The following MPDZ variants were observed in gnomAD, a reference collection of about 807,000 sequenced individuals.
MPDZ encodes the protein multiple PDZ domain protein.
A neutral mutation model predicts 239.1 loss-of-function variants in MPDZ; 234 were observed. The ratio of observed to expected loss-of-function variants is 0.98; its 90% CI spans 0.88 to 1.09. The LOEUF (loss-of-function observed/expected upper bound fraction) is 1.09. Ranked by LOEUF, MPDZ falls within the 50% of genes least tolerant of loss-of-function variation. The pLI is 0.00. For synonymous variants in MPDZ, 1,048 were observed against 881.3 expected (o/e 1.19, Z -3.35); for missense variants, 3,175 against 2,510.0 (o/e 1.26, Z -5.66).
chr9:13,246,989 T>C (rs746345451), intron 3 of MPDZ, among the ~76,000 whole-genome samples: 1 of 152,220 alleles, frequency 6.6e-6, no homozygotes, highest in Non-Finnish European at 1.5e-5. Flanking sequence ...CATTGTGAAA[T>C]GTTTCAATTT....
chr9:13,141,324 G>A (rs1040728342), intron 27 of MPDZ, among the ~76,000 whole-genome samples: 5 of 151,942 alleles, frequency 3.3e-5, no homozygotes, highest in Admixed American at 6.6e-5. Context: ...TTTTTGTTTC[G>A]AATCAAACAG....
intron 10 of MPDZ, among the ~76,000 whole-genome samples, chr9:13,208,461 TAA>T (rs1244672207): frequency 1.5e-5 from 2 of 136,582 alleles, no homozygotes; most frequent in Non-Finnish European, 3.2e-5. Flanking sequence ...AAATAAATAT[TAA>T]AAAAAAAAAA....
chr9:13,145,982 C>G (rs1012061153), intron 26 of MPDZ, among the ~76,000 whole-genome samples: 1 of 151,898 alleles, frequency 6.6e-6, no homozygotes, highest in Non-Finnish European at 1.5e-5. Context: ...AACTTAAACA[C>G]CCATTTAACA....
intron 32 of MPDZ, among the ~76,000 whole-genome samples, chr9:13,127,869 T>C (rs1211613485): frequency 6.6e-6 from 1 of 152,220 alleles, no homozygotes; most frequent in Admixed American, 6.5e-5. Flanking sequence ...GATATGCCAC[T>C]TAACATCTCT....
chr9:13,275,153 A>G (rs1276443043), intron 1 of MPDZ, among the ~76,000 whole-genome samples: 5 of 152,192 alleles, frequency 3.3e-5, no homozygotes, highest in Non-Finnish European at 5.9e-5. Flanking sequence ...TAGTTTACAC[A>G]CTAAGTCTCT....
In MPDZ at chr9:13,162,767, C is replaced by T; in HGVS notation, c.3283G>A (p.Glu1095Lys). ...TGTCCCAAGCTTATTTTGAACTCTT[C>T]CAAATGTTCTGCAGGCACATAAGTA... ...KITYVPAEHL[E>K]EFKISLGQQS... is the part of the protein sequence containing the mutation. The change falls in exon 23 of 47, where the codon GAA (glutamate) becomes AAA (lysine). Residue 1095 changes from glutamate (E) to lysine (K), a missense_variant. Transcript: ENST00000319217. 1 of 1,610,484 alleles carries T rather than the reference C, an allele frequency of 6.2e-7. No individual in the cohort carries two copies. Among genetic ancestry groups the T allele is most frequent in the African/African-American group, 1.3e-5 (1 of 74,894 alleles).
chr9:13,225,001 C>T (rs1960085997), intron 3 of MPDZ, among the ~76,000 whole-genome samples: 1 of 152,072 alleles, frequency 6.6e-6, no homozygotes, highest in East Asian at 1.9e-4. Flanking sequence ...CCCAAGGCCA[C>T]ATGATATAAG....
At chr9:13,151,115 C>A (rs1037902200) in intron 24 of MPDZ, among the ~76,000 whole-genome samples, 31 of 151,948 alleles carry the variant, frequency 2.0e-4, no homozygotes, top group South Asian at 6.2e-4. Context: ...ATCTCACATC[C>A]AACAGGATGG....
At chr9:13,111,855 A>G (rs1203778993) in intron 43 of MPDZ, among the ~76,000 whole-genome samples, 169 bp downstream of exon 43, 1 of 152,134 alleles carries the variant, frequency 6.6e-6, no homozygotes, top group African/African-American at 2.4e-5. Flanking sequence ...CTTTCTTTTA[A>G]TATTCTTTAT....
intron 3 of MPDZ, among the ~76,000 whole-genome samples, chr9:13,238,323 A>C (rs781424181): frequency 6.6e-6 from 1 of 152,210 alleles, no homozygotes; most frequent in African/African-American, 2.4e-5. Context: ...GTCCACTTAC[A>C]TAATAAGATT....
chr9:13,158,141 A>G (rs909300894), intron 23 of MPDZ, 31 bp from the exon 24 acceptor site: 31 of 1,554,122 alleles, frequency 2.0e-5, no homozygotes, highest in Non-Finnish European at 2.6e-5. Flanking sequence ...TGAGTACCCC[A>G]AAATCCTAGT....
chr9:13,136,647 A>G (rs1946861890), intron 30 of MPDZ, 65 bp downstream of exon 30: 1 of 1,081,054 alleles, frequency 9.3e-7, no homozygotes, highest in Middle Eastern at 2.0e-4. Flanking sequence ...CTTTTCATTC[A>G]AAAGAACTCA....
At chr9:13,244,429 CT>C (rs1036866381) in intron 3 of MPDZ, among the ~76,000 whole-genome samples, 2 of 151,492 alleles carry the variant, frequency 1.3e-5, no homozygotes, top group East Asian at 3.9e-4. Context: ...AGTCACAGTT[CT>C]TTTTTTTTCT....
intron 19 of MPDZ, among the ~76,000 whole-genome samples, chr9:13,180,032 A>C (rs1953071023): frequency 6.6e-6 from 1 of 152,118 alleles, no homozygotes; most frequent in Non-Finnish European, 1.5e-5. Context: ...GATCCTACTA[A>C]GGAAAAAGGC....
chr9:13,127,634 T>A (rs1945318073), intron 32 of MPDZ, among the ~76,000 whole-genome samples: 1 of 152,196 alleles, frequency 6.6e-6, no homozygotes, highest in South Asian at 2.1e-4. Context: ...ATGTTTATGG[T>A]CATGGCTGTG....
rs146966101 is a variant in MPDZ, at chr9:13,165,307, G to C, written c.3255-2512C>G. 342 of 1,520,312 alleles carry C rather than the reference G, an allele frequency of 2.2e-4. 1 individual carries two copies. In the African/African-American group the frequency reaches 4.4e-3, roughly 19 times the overall value. 94.2% of individuals were successfully genotyped at this position (1,520,312 alleles called of 1,614,324 possible). On this transcript the variant is annotated intron_variant, in intron 22 of 46. Transcript: ENST00000319217. ...TGGGACATTACAAAAGCACAAAATT[G>C]TTTTCACAGACAAGTTGTAACACAC...
At position 13,183,404 on chromosome 9, in the gene MPDZ, C is replaced by A. The variant is rs367616750; in HGVS notation, c.2649+14G>T. The stretch of plus-strand genomic sequence containing the variant: ...GACTTTCCTATAAAAGAAAAATTGG[C>A]TTTTCCTTTGTACCTTAGGAGGAGA... On this transcript the variant is annotated intron_variant, in intron 19 of 46. Transcript: ENST00000319217. The A allele has an allele frequency of 7.5e-5, 118 of 1,577,606 alleles. No homozygotes were observed. In the African/African-American group the frequency reaches 1.4e-3, roughly 19 times the overall value.
intron 40 of MPDZ, among the ~76,000 whole-genome samples, chr9:13,114,531 C>T (rs951961997): frequency 1.3e-5 from 2 of 152,136 alleles, no homozygotes; most frequent in African/African-American, 4.8e-5. Context: ...ATACATGGTG[C>T]TGAGTATCTA....
At chr9:13,258,470 A>G (rs892749480) in intron 1 of MPDZ, among the ~76,000 whole-genome samples, 4 of 152,354 alleles carry the variant, frequency 2.6e-5, no homozygotes, top group African/African-American at 9.6e-5. Context: ...TCTATCATTC[A>G]TAGTTGCCTC....
Sources: gnomAD v4.1 joint callset for allele counts (sites outside exome capture counted in the v4.1 genomes callset) on GRCh38, gnomAD v4.1.1 for gene constraint, MANE v1.5 for transcripts, NCBI Gene and HGNC (gene_info 2026-07-23, HGNC 2026-07-21) for gene names.